The following PCDH11Y variants were observed in gnomAD, a reference collection of about 807,000 sequenced individuals.
PCDH11Y encodes protocadherin-11 Y-linked.
For synonymous variants in PCDH11Y, 9 were observed against 83.6 expected (o/e 0.11, Z 4.87); for missense variants, 12 against 224.8 (o/e 0.05, Z 6.05).
chrY:5,460,424 A>G (rs2124683733), intron 2 of PCDH11Y, among the ~76,000 whole-genome samples: 2 of 33,185 alleles, frequency 6.0e-5, no homozygotes, highest in African/African-American at 1.2e-4. Flanking sequence ...TCAGTGAACA[A>G]TTCAGATGGG....
chrY:5,524,175 T>C, intron 3 of PCDH11Y, among the ~76,000 whole-genome samples: 1 of 33,692 alleles, frequency 3.0e-5, no homozygotes, highest in Admixed American at 2.7e-4. Flanking sequence ...ATACTGGTCT[T>C]CTATTAAAGA....
intron 2 of PCDH11Y, among the ~76,000 whole-genome samples, chrY:5,223,743 C>A (rs2052956521): frequency 6.0e-5 from 2 of 33,487 alleles, no homozygotes; most frequent in African/African-American, 2.3e-4. Context: ...AGACATGTGC[C>A]ACCATCCCCA....
At chrY:5,623,539 T>A (rs1602953199) in intron 4 of PCDH11Y, among the ~76,000 whole-genome samples, 5 of 31,639 alleles carry the variant, frequency 1.6e-4, no homozygotes, top group Admixed American at 8.9e-4. Context: ...TGAGAACATG[T>A]GGTATTTGGT....
At chrY:5,731,017 AT>A (rs2053603962) in intron 4 of PCDH11Y, among the ~76,000 whole-genome samples, 9 of 28,801 alleles carry the variant, frequency 3.1e-4, no homozygotes, top group African/African-American at 4.0e-4. Flanking sequence ...TTCCTAGTAT[AT>A]TTTTTTTGAC....
intron 3 of PCDH11Y, among the ~76,000 whole-genome samples, chrY:5,535,169 A>G: frequency 3.1e-5 from 1 of 32,548 alleles, no homozygotes; most frequent in Non-Finnish European, 7.5e-5. Context: ...AGTGATTTTA[A>G]GCAGCTCTTA....
At chrY:5,178,586 A>T in intron 2 of PCDH11Y, among the ~76,000 whole-genome samples, 1 of 32,956 alleles carries the variant, frequency 3.0e-5, no homozygotes. Context: ...CGTATTACGA[A>T]CATTAGTTCA....
intron 2 of PCDH11Y, among the ~76,000 whole-genome samples, chrY:5,257,302 A>G (rs207480213): frequency 2.9e-4 from 10 of 33,992 alleles, no homozygotes; most frequent in Non-Finnish European, 7.3e-4. Context: ...AAATGATCAT[A>G]TAGTTTTGTC....
intron 3 of PCDH11Y, among the ~76,000 whole-genome samples, chrY:5,534,237 A>T: frequency 3.0e-5 from 1 of 32,844 alleles, no homozygotes; most frequent in African/African-American, 1.2e-4. Context: ...TCTCAATCAC[A>T]TGATCATATT....
intron 2 of PCDH11Y, among the ~76,000 whole-genome samples, chrY:5,378,664 G>A: frequency 6.0e-5 from 2 of 33,445 alleles, no homozygotes; most frequent in Admixed American, 5.6e-4. Context: ...CATTGAGATG[G>A]TGAGCATGGC....
chrY:5,166,927 T>C (rs2052879589), intron 2 of PCDH11Y, among the ~76,000 whole-genome samples: 1 of 32,369 alleles, frequency 3.1e-5, no homozygotes, highest in East Asian at 8.1e-4. Flanking sequence ...AAAAATAAAG[T>C]CTATTAAAAC....
At chrY:5,516,264 G>T in intron 3 of PCDH11Y, among the ~76,000 whole-genome samples, 1 of 33,215 alleles carries the variant, frequency 3.0e-5, no homozygotes, top group South Asian at 6.6e-4. Flanking sequence ...TTTGCCAAAA[G>T]TGTGTGCGTG....
chrY:5,293,286 C>T (rs2124662190), intron 2 of PCDH11Y, among the ~76,000 whole-genome samples: 1 of 30,889 alleles, frequency 3.2e-5, no homozygotes, highest in African/African-American at 1.3e-4. Flanking sequence ...TGCACCACCA[C>T]GCCTGGCTGA....
chrY:5,270,245 C>T (rs2124659373), intron 2 of PCDH11Y, among the ~76,000 whole-genome samples: 3 of 26,267 alleles, frequency 1.1e-4, no homozygotes, highest in Non-Finnish European at 1.8e-4. Context: ...TGGTGGCTCA[C>T]GCCTGTAATC....
chrY:5,730,618 T>TGGAAATCTAGCACTGGAA, intron 4 of PCDH11Y, among the ~76,000 whole-genome samples: 1 of 32,228 alleles, frequency 3.1e-5, no homozygotes, highest in Non-Finnish European at 7.7e-5. Context: ...CTGATTTCTC[T>TGGAAATCTAGCACTGGAA]GTCTAGCACT....
chrY:5,067,484 T>A, intron 1 of PCDH11Y, among the ~76,000 whole-genome samples: 1 of 33,326 alleles, frequency 3.0e-5, no homozygotes, highest in Non-Finnish European at 7.4e-5. Context: ...GATTTCTTTC[T>A]GAAATAATGT....
chrY:5,437,916 C>T (rs1602925464), intron 2 of PCDH11Y, among the ~76,000 whole-genome samples: 1 of 32,797 alleles, frequency 3.0e-5, no homozygotes, highest in Non-Finnish European at 7.5e-5. Flanking sequence ...TTAACAGTGT[C>T]GAATCCATTT....
At chrY:5,451,115 C>CA (rs2053292788) in intron 2 of PCDH11Y, among the ~76,000 whole-genome samples, 1 of 32,477 alleles carries the variant, frequency 3.1e-5, no homozygotes, top group African/African-American at 1.2e-4. Context: ...CAGATTTCTC[C>CA]AAAAATAAAT....
At chrY:5,228,945 T>A in intron 2 of PCDH11Y, among the ~76,000 whole-genome samples, 11 of 32,378 alleles carry the variant, frequency 3.4e-4, no homozygotes, top group African/African-American at 1.3e-3. Flanking sequence ...ATTTGGTCTA[T>A]AATAGTCCAG....
At chrY:5,481,609 T>G in intron 2 of PCDH11Y, among the ~76,000 whole-genome samples, 1 of 32,974 alleles carries the variant, frequency 3.0e-5, no homozygotes, top group Non-Finnish European at 7.5e-5. Flanking sequence ...ATAATTTTTT[T>G]GCATTTTTTG....
Sources: allele counts gnomAD v4.1 joint callset (sites outside exome capture counted in the v4.1 genomes callset), GRCh38; gene constraint gnomAD v4.1.1; transcripts MANE v1.5; gene names NCBI Gene and HGNC (gene_info 2026-07-23, HGNC 2026-07-21).